DDI2: variants seen among roughly 807,000 people sequenced by gnomAD.
DDI2 encodes the protein protein DDI1 homolog 2.
In DDI2, 5 loss-of-function variants were observed where a neutral mutation model predicts 48.1. The ratio of observed to expected loss-of-function variants is 0.10; its 90% CI spans 0.05 to 0.22. The LOEUF (loss-of-function observed/expected upper bound fraction) is 0.22, where lower values mean the gene tolerates loss of function less well. Ranked by LOEUF, DDI2 falls within the 10% of genes least tolerant of loss-of-function variation. DDI2 has a pLI of 1.00. For synonymous variants in DDI2, 205 were observed against 183.6 expected (o/e 1.12, Z -0.94); for missense variants, 285 against 506.2 (o/e 0.56, Z 4.19).
At position 15,669,020 on chromosome 1, in the gene DDI2, A is replaced by C. The variant is rs1321949873; in HGVS notation, c.*9230A>C. On this transcript the variant is annotated 3_prime_UTR_variant, in exon 10 of 10. Transcript: ENST00000480945. ...TGGTGTGTAAAACATTTGATATTTA[A>C]GACAATAAAGTTTTTATCATAAGAC... 6.6e-6 allele frequency: 1 copy of C among 152,214 alleles called. No individual in the cohort carries two copies. Among genetic ancestry groups the C allele is most frequent in the Non-Finnish European group, 1.5e-5 (1 of 68,040 alleles). 9.4% of individuals were successfully genotyped at this position (152,214 alleles called of 1,614,324 possible).
In DDI2 at chr1:15,648,996, G is replaced by A. The variant is rs1251917864; in HGVS notation, c.890-724G>A. On this transcript the variant is annotated intron_variant, in intron 6 of 9. Coordinates refer to ENST00000480945, the MANE Select transcript of DDI2 (RefSeq NM_032341.5). ...TCTTGTAATCCCAGCACTTTGGGAC[G>A]CCAAGGCAGGGATGACTGCCTGAGG... Among the ~76,000 whole-genome samples, 4 of 152,088 alleles carry A rather than the reference G, an allele frequency of 2.6e-5. No homozygotes were observed. In the East Asian group the frequency reaches 5.8e-4, roughly 22 times the overall value.
rs1640397412 is a variant in DDI2, at chr1:15,662,415, A to T, written c.*2625A>T. 6.6e-6 allele frequency: 1 copy of T among 152,210 alleles called. No homozygotes were observed. Among genetic ancestry groups the T allele is most frequent in the Non-Finnish European group, 1.5e-5 (1 of 68,040 alleles). The allele number at this position is 152,210 out of a possible 1,614,324, so 9.4% of individuals were successfully genotyped here. A position where few individuals can be genotyped will look rare whatever the true frequency, so the allele number is the denominator to read the frequency against. ...GCTGCATGGATTGCCATGAATCCTTATTACATTGGATGGGATATTGTGGGG... is the reference window on the plus strand; with the variant it reads ...GCTGCATGGATTGCCATGAATCCTTTTTACATTGGATGGGATATTGTGGGG... On this transcript the variant is annotated 3_prime_UTR_variant, in exon 10 of 10. Coordinates refer to ENST00000480945, the MANE Select transcript of DDI2 (RefSeq NM_032341.5).
At chr1:15,657,669 AT>A (rs1398100634) in intron 9 of DDI2, among the ~76,000 whole-genome samples, 2 of 152,178 alleles carry the variant, frequency 1.3e-5, no homozygotes, top group African/African-American at 4.8e-5. Context: ...GGCCCTTACC[AT>A]ACCTCTTTAT....
At position 15,666,407 on chromosome 1, in the gene DDI2, A is replaced by G. The variant is rs1319728726; in HGVS notation, c.*6617A>G. 1.3e-5 allele frequency: 2 copies of G among 152,238 alleles called. No homozygotes were observed. The highest frequency in any genetic ancestry group is 6.5e-5 in the Admixed American group (1 of 15,280). 9.4% of individuals were successfully genotyped at this position (152,238 alleles called of 1,614,324 possible). A position where few individuals can be genotyped will look rare whatever the true frequency, so the allele number is the denominator to read the frequency against. Reference sequence around the variant, plus strand: ...GCTCACCTTGACTGAGTTGATTCACAGTTATCCTGCATCAGACCATTAGAT... The same window carrying G: ...GCTCACCTTGACTGAGTTGATTCACGGTTATCCTGCATCAGACCATTAGAT... On this transcript the variant is annotated 3_prime_UTR_variant, in exon 10 of 10. Transcript: ENST00000480945.
rs762605820 is a variant in DDI2 at position 15,660,123 on chromosome 1, C to T, written c.*333C>T. 1 of 1,614,194 alleles carries T rather than the reference C, an allele frequency of 6.2e-7. No individual in the cohort carries two copies. The highest frequency in any genetic ancestry group is 1.1e-5 in the South Asian group (1 of 91,080). Reference sequence around the variant, plus strand: ...TTTCTGATCATGCTTCCTCAGCAGACCATGCTCCAACAGACCAGAGTCCAG... The same window carrying T: ...TTTCTGATCATGCTTCCTCAGCAGATCATGCTCCAACAGACCAGAGTCCAG... On this transcript the variant is annotated 3_prime_UTR_variant, in exon 10 of 10. Coordinates refer to ENST00000480945, the MANE Select transcript of DDI2 (RefSeq NM_032341.5).
intron 2 of DDI2, among the ~76,000 whole-genome samples, chr1:15,627,890 C>T (rs1639782850): frequency 6.6e-6 from 1 of 152,136 alleles, no homozygotes; most frequent in Admixed American, 6.5e-5. Context: ...CAAGGACCGG[C>T]TCCACCAGAT....
At chr1:15,635,001 A>G (rs1325810395) in intron 4 of DDI2, among the ~76,000 whole-genome samples, 1 of 152,104 alleles carries the variant, frequency 6.6e-6, no homozygotes, top group Non-Finnish European at 1.5e-5. Flanking sequence ...TGTAATCCCA[A>G]CACTTTGCTT....
At chr1:15,638,189 G>T in intron 4 of DDI2, 118 bp from the exon 5 acceptor site, 2 of 1,438,214 alleles carry the variant, frequency 1.4e-6, no homozygotes, top group East Asian at 4.9e-5. Flanking sequence ...CTATGACTCG[G>T]CTGCTGTGCT....
chr1:15,656,619 C>T lies in DDI2; in HGVS notation c.1186C>T (p.Arg396Cys), dbSNP rs781405060. The T allele has an allele frequency of 1.2e-6, 2 of 1,614,140 alleles. No homozygotes were observed. The highest frequency in any genetic ancestry group is 2.2e-5 in the East Asian group (1 of 44,880). ...TGTCTGTTTCCTAATTCACACAGAG[C>T]GTCAGAAGCCATGATGCATGTAGTG... is the stretch of plus-strand genomic sequence containing the variant. The part of the protein sequence containing the change: ...ALQKSAEDAE[R>C]QKP The change falls in exon 9 of 10, where the codon CGT becomes TGT. Residue 396 changes from arginine to cysteine, a missense_variant and splice_region_variant. Arg to Cys is a radical substitution (Grantham distance 180). This residue lies in a region of DDI2 where 66 missense variants were observed against 87.3 expected (regional missense o/e 0.76). Coordinates refer to ENST00000480945, the MANE Select transcript of DDI2 (RefSeq NM_032341.5).
At chr1:15,632,715 A>G (rs1184163064) in intron 3 of DDI2, among the ~76,000 whole-genome samples, 1 of 152,012 alleles carries the variant, frequency 6.6e-6, no homozygotes, top group Non-Finnish European at 1.5e-5. Flanking sequence ...AAAGAAATGA[A>G]ACTAGAAGAG....
At chr1:15,659,815 CT>C in intron 9 of DDI2, 21 bp from the exon 10 acceptor site, 2 of 1,486,338 alleles carry the variant, frequency 1.3e-6, no homozygotes, top group Non-Finnish European at 1.8e-6. Context: ...AATCTTTTTC[CT>C]TTCCCCTGTG....
At chr1:15,639,772 T>A (rs761728590) in intron 5 of DDI2, among the ~76,000 whole-genome samples, 33 of 151,548 alleles carry the variant, frequency 2.2e-4, no homozygotes, top group Non-Finnish European at 4.7e-4. Context: ...TTTGGGAGGG[T>A]GAGGTGGGAG....
chr1:15,645,102 A>G lies in DDI2; in HGVS notation c.889+1452A>G, dbSNP rs147787489. Among the ~76,000 whole-genome samples, 338 of 151,218 alleles carry G rather than the reference A, an allele frequency of 2.2e-3. 1 individual carries two copies. The highest frequency in any genetic ancestry group is 7.2e-3 in the African/African-American group (297 of 41,126). On this transcript the variant is annotated intron_variant, in intron 6 of 9. Transcript: ENST00000480945. The stretch of plus-strand genomic sequence containing the variant: ...ACGAGGTTTCTCCATATTGGCCAGG[A>G]TGATCTCTCTCAAATTCCTGGCCTC...
intron 9 of DDI2, among the ~76,000 whole-genome samples, chr1:15,658,477 C>A (rs1380713656): frequency 2.9e-5 from 4 of 136,000 alleles, no homozygotes; most frequent in Non-Finnish European, 6.4e-5. Context: ...AAAGATCTTA[C>A]AATGGTCGGG....
intron 1 of DDI2, among the ~76,000 whole-genome samples, chr1:15,623,560 A>C (rs59353145): frequency 0.31 from 46,662 of 149,268 alleles, 8,018 homozygotes; most frequent in African/African-American, 0.43. Context: ...TGCCTGGCTT[A>C]TTATTATTAT....
At chr1:15,644,757 C>T (rs1640063160) in intron 6 of DDI2, among the ~76,000 whole-genome samples, 1 of 151,546 alleles carries the variant, frequency 6.6e-6, no homozygotes, top group Admixed American at 6.6e-5. Flanking sequence ...CCGCACCCGG[C>T]TAATTTTTTG....
At chr1:15,656,453 A>G (rs1557624040) in intron 8 of DDI2, 164 bp from the exon 9 acceptor site, 3 of 1,507,480 alleles carry the variant, frequency 2.0e-6, no homozygotes, top group Non-Finnish European at 2.7e-6. Context: ...AATGGAAGCA[A>G]CCAACAAATA....
intron 8 of DDI2, among the ~76,000 whole-genome samples, chr1:15,654,567 G>C (rs1456623273): frequency 6.6e-6 from 1 of 151,058 alleles, no homozygotes; most frequent in African/African-American, 2.4e-5. Flanking sequence ...GAGATGGGAG[G>C]ATCACCTAAG....
intron 4 of DDI2, among the ~76,000 whole-genome samples, chr1:15,638,042 A>C (rs1020097450): frequency 2.6e-5 from 4 of 152,126 alleles, no homozygotes; most frequent in African/African-American, 9.7e-5. Flanking sequence ...CTTGCTCTCC[A>C]GTTTCTTATT....
Sources: allele counts gnomAD v4.1 joint callset (sites outside exome capture counted in the v4.1 genomes callset), GRCh38; gene constraint gnomAD v4.1.1; regional missense constraint gnomAD v4.1.1; transcripts MANE v1.5; gene names NCBI Gene and HGNC (gene_info 2026-07-23, HGNC 2026-07-21).